The following PRELID2 variants were observed in gnomAD, a reference collection of about 807,000 sequenced individuals.
PRELID2 encodes PRELI domain-containing protein 2.
In PRELID2, 25 loss-of-function variants were observed where a neutral mutation model predicts 28.4. That is an observed-to-expected ratio of 0.88 (90% CI 0.64 to 1.23). The LOEUF is 1.23. Among genes scored for constraint, PRELID2 ranks in the 50% most tolerant of loss-of-function variants. The pLI, the probability that PRELID2 is intolerant of heterozygous loss-of-function variation, is 0.00. For missense variants in PRELID2, 201 were observed against 214.4 expected, an observed-to-expected ratio of 0.94 and a Z score of 0.39; for synonymous variants, 76 against 71.6, an observed-to-expected ratio of 1.06 and a Z score of -0.31.
chr5:145,764,745 T>C (rs1335171786), intron 6 of PRELID2, among the ~76,000 whole-genome samples, 186 bp downstream of exon 6: 2 of 152,196 alleles, frequency 1.3e-5, no homozygotes, highest in Non-Finnish European at 2.9e-5. Flanking sequence ...AAAACTGCTC[T>C]GAAAATCAAA....
At chr5:145,615,861 T>G (rs1753691359) in intron 1 of PRELID2, among the ~76,000 whole-genome samples, 1 of 152,150 alleles carries the variant, frequency 6.6e-6, no homozygotes, top group Non-Finnish European at 1.5e-5. Context: ...AAAGAGGTTC[T>G]GATTTTATCT....
chr5:145,647,888 A>G (rs558946583), intron 1 of PRELID2, among the ~76,000 whole-genome samples: 17 of 151,974 alleles, frequency 1.1e-4, no homozygotes, highest in African/African-American at 3.1e-4. Flanking sequence ...ACAAGTCCCA[A>G]TGAGATGAAC....
chr5:145,351,191 C>G, the PRELID2 span, among the ~76,000 whole-genome samples: 100 of 152,248 alleles, frequency 6.6e-4, no homozygotes, highest in South Asian at 7.1e-3. Context: ...GTTTCATTCA[C>G]TCAGATTCTC....
At chr5:145,442,824 A>T in the PRELID2 span, among the ~76,000 whole-genome samples, 1 of 152,068 alleles carries the variant, frequency 6.6e-6, no homozygotes, top group Admixed American at 6.6e-5. Flanking sequence ...AATCAGCAGT[A>T]ACAGTTGCAA....
At chr5:145,678,013 AT>A (rs1301679744) in intron 1 of PRELID2, among the ~76,000 whole-genome samples, 12 of 152,210 alleles carry the variant, frequency 7.9e-5, no homozygotes, top group African/African-American at 2.9e-4. Context: ...CATGCTAACT[AT>A]CTATATGAGG....
At chr5:145,477,334 T>C (rs1390894918) in intron 1 of PRELID2, among the ~76,000 whole-genome samples, 1 of 152,196 alleles carries the variant, frequency 6.6e-6, no homozygotes, top group East Asian at 1.9e-4. Flanking sequence ...TCTCTCCTCA[T>C]AGAGACAAGA....
chr5:145,758,994 A>ATTTTTTTTTTTTTTTTTTTTTT lies in PRELID2; in HGVS notation c.*1520_*1541dup, dbSNP rs70998036. 1 of 90,592 alleles carries ATTTTTTTTTTTTTTTTTTTTTT rather than the reference A, an allele frequency of 1.1e-5. No homozygotes were observed. The highest frequency in any genetic ancestry group is 2.0e-5 in the Non-Finnish European group (1 of 51,030). 5.6% of individuals were successfully genotyped at this position (90,592 alleles called of 1,614,324 possible). A position where few individuals can be genotyped will look rare whatever the true frequency, so the allele number is the denominator to read the frequency against. Reference sequence around the variant, plus strand: ...CCAAGACTCTCCAGTAACGGCCTGAATTTTTTTTTTTTTTTTTTTTTTTTG... The same window carrying ATTTTTTTTTTTTTTTTTTTTTT: ...CCAAGACTCTCCAGTAACGGCCTGAATTTTTTTTTTTTTTTTTTTTTTTTTTTTTTTTTTTTTTTTTTTTTTG... On this transcript the variant is annotated 3_prime_UTR_variant, in exon 7 of 7. Transcript: ENST00000683046.
chr5:145,233,273 G>T, the PRELID2 span, among the ~76,000 whole-genome samples: 1 of 151,944 alleles, frequency 6.6e-6, no homozygotes, highest in Non-Finnish European at 1.5e-5. Context: ...TCTGAACCAG[G>T]TTCTCTTTGT....
chr5:145,333,783 A>T, the PRELID2 span, among the ~76,000 whole-genome samples: 1 of 144,262 alleles, frequency 6.9e-6, no homozygotes, highest in African/African-American at 2.6e-5. Context: ...GTGATCAGTT[A>T]TGTCTCACTG....
At chr5:145,309,905 T>C in the PRELID2 span, among the ~76,000 whole-genome samples, 2 of 152,334 alleles carry the variant, frequency 1.3e-5, no homozygotes, top group South Asian at 2.1e-4. Flanking sequence ...AGTGATAGGC[T>C]AAGCTGACTG....
chr5:145,550,134 T>C (rs961802687), intron 1 of PRELID2, among the ~76,000 whole-genome samples: 2 of 152,176 alleles, frequency 1.3e-5, no homozygotes, highest in African/African-American at 2.4e-5. Flanking sequence ...GCCAAATTAC[T>C]GCTGAAGAAG....
At chr5:145,408,384 C>T in the PRELID2 span, among the ~76,000 whole-genome samples, 2 of 111,754 alleles carry the variant, frequency 1.8e-5, no homozygotes, top group African/African-American at 6.6e-5. Flanking sequence ...TGAAAACCAA[C>T]TTAAAGAAAT....
At chr5:145,830,253 C>T (rs371480) in intron 1 of PRELID2, among the ~76,000 whole-genome samples, 111,243 of 152,116 alleles carry the variant, frequency 0.73, 41,465 homozygotes, top group Non-Finnish European at 0.82. Flanking sequence ...ACTATGACTC[C>T]TTTGACCACA....
chr5:145,477,903 G>A (rs78286643), intron 1 of PRELID2, among the ~76,000 whole-genome samples: 1,547 of 152,166 alleles, frequency 0.01, 27 homozygotes, highest in African/African-American at 0.035. Flanking sequence ...AAAGGGGGAA[G>A]TGGGGAGGAA....
At chr5:145,579,308 A>G (rs190554274) in intron 1 of PRELID2, among the ~76,000 whole-genome samples, 13 of 152,274 alleles carry the variant, frequency 8.5e-5, no homozygotes, top group South Asian at 2.1e-4. Context: ...CTTGTAAATT[A>G]TTAGCCTGGA....
chr5:145,488,123 C>CA (rs10643402), intron 1 of PRELID2, among the ~76,000 whole-genome samples: 2,071 of 101,290 alleles, frequency 0.02, 71 homozygotes, highest in African/African-American at 0.066. Flanking sequence ...GACTCTGTCT[C>CA]AAAAAAAAAA....
chr5:145,355,983 T>G, the PRELID2 span, among the ~76,000 whole-genome samples: 1 of 152,128 alleles, frequency 6.6e-6, no homozygotes, highest in South Asian at 2.1e-4. Context: ...AATCTTTAAA[T>G]TGAAAAGAGT....
chr5:145,395,229 T>A, the PRELID2 span, among the ~76,000 whole-genome samples: 1 of 150,754 alleles, frequency 6.6e-6, no homozygotes, highest in South Asian at 2.2e-4. Context: ...TCACTTCCCC[T>A]TTTCCTGCCC....
intron 5 of PRELID2, among the ~76,000 whole-genome samples, chr5:145,784,233 TAAAA>T (rs11299722): frequency 1.5e-5 from 2 of 136,254 alleles, no homozygotes. Context: ...GTGGTGAGCT[TAAAA>T]AAAAAAAAAA....
Sources: gnomAD v4.1 joint callset for allele counts (sites outside exome capture counted in the v4.1 genomes callset) on GRCh38, gnomAD v4.1.1 for gene constraint, MANE v1.5 for transcripts, NCBI Gene and HGNC (gene_info 2026-07-23, HGNC 2026-07-21) for gene names.